The following AOAH variants were observed in gnomAD, a reference collection of about 807,000 sequenced individuals.
AOAH encodes acyloxyacyl hydrolase (neutrophil).
A neutral mutation model predicts 92.2 loss-of-function variants in AOAH; 64 were observed. That is an observed-to-expected ratio of 0.69 (90% CI 0.57 to 0.86). AOAH has a LOEUF of 0.86. AOAH is among the 40% of genes least tolerant of loss of function. The pLI, the probability that AOAH is intolerant of heterozygous loss-of-function variation, is 0.00. For missense variants in AOAH, 656 were observed against 694.6 expected (o/e 0.94, Z 0.62); for synonymous variants, 263 against 254.5 (o/e 1.03, Z -0.32).
intron 11 of AOAH, among the ~76,000 whole-genome samples, chr7:36,595,659 C>T (rs533361358): frequency 6.6e-6 from 1 of 152,308 alleles, no homozygotes; most frequent in African/African-American, 2.4e-5. Context: ...CATACTTATA[C>T]TTGAAAAATT....
chr7:36,629,994 C>T (rs533461351), intron 6 of AOAH, among the ~76,000 whole-genome samples: 1 of 152,098 alleles, frequency 6.6e-6, no homozygotes, highest in Non-Finnish European at 1.5e-5. Flanking sequence ...TGAGTGGTGT[C>T]CTTGTAAAAG....
At chr7:36,690,303 A>C in intron 1 of AOAH, 1 of 364,032 alleles carries the variant, frequency 2.7e-6, no homozygotes, top group Non-Finnish European at 5.4e-6. Flanking sequence ...GATCAAAAGG[A>C]CCCTGCAGGA....
intron 6 of AOAH, among the ~76,000 whole-genome samples, chr7:36,629,231 GT>G (rs2116196886): frequency 6.6e-6 from 1 of 152,336 alleles, no homozygotes; most frequent in Admixed American, 6.5e-5. Flanking sequence ...GGAAAACACA[GT>G]TTTTGCTTTT....
In AOAH at chr7:36,563,780, A is replaced by G. The variant is rs188893154; in HGVS notation, c.1021+12794T>C. Among the ~76,000 whole-genome samples the G allele has an allele frequency of 6.4e-4, 97 of 152,326 alleles. 1 individual carries two copies. Among genetic ancestry groups the G allele is most frequent in the African/African-American group, 2.2e-3 (93 of 41,582 alleles). On this transcript the variant is annotated intron_variant, in intron 13 of 20. Transcript: ENST00000617537. ...TAGTTTCAGGAGAATGATTTGTACA[A>G]TCCATTAAAAAAATCCATCATGAGA...
intron 1 of AOAH, among the ~76,000 whole-genome samples, chr7:36,706,676 G>T (rs556484176): frequency 8.1e-4 from 123 of 152,270 alleles, no homozygotes; most frequent in African/African-American, 2.8e-3. Flanking sequence ...CATTTGCTTA[G>T]AACAGCCACC....
chr7:36,592,121 C>A (rs559005432), intron 12 of AOAH, among the ~76,000 whole-genome samples: 24 of 152,160 alleles, frequency 1.6e-4, no homozygotes, highest in African/African-American at 5.8e-4. Context: ...CTAATTAATT[C>A]TTTTTGTTAT....
In AOAH at chr7:36,546,593, G is replaced by T. The variant is rs377087491; in HGVS notation, c.1133+2019C>A. The stretch of plus-strand genomic sequence containing the variant: ...TCTTTGGGAAAGGAAAAGTAGGACT[G>T]GGCTGGAGGGATCTGGGTAAGCAGG... On this transcript the variant is annotated intron_variant, in intron 15 of 20. Coordinates refer to ENST00000617537, the MANE Select transcript of AOAH (RefSeq NM_001637.4). Among the ~76,000 whole-genome samples the T allele has an allele frequency of 4.6e-5, 7 of 152,332 alleles. No individual in the cohort carries two copies. In the East Asian group the frequency reaches 7.7e-4, roughly 17 times the overall value.
chr7:36,588,940 G>T (rs1789552015), intron 12 of AOAH, among the ~76,000 whole-genome samples: 1 of 152,196 alleles, frequency 6.6e-6, no homozygotes, highest in Admixed American at 6.5e-5. Context: ...ACTCATTTAT[G>T]CTGACTACAG....
chr7:36,635,105 T>C (rs995547849), intron 5 of AOAH, among the ~76,000 whole-genome samples: 1 of 152,198 alleles, frequency 6.6e-6, no homozygotes, highest in African/African-American at 2.4e-5. Context: ...TGAGTCTTGC[T>C]TGCCTATTTG....
At chr7:36,653,742 T>C (rs781636139) in intron 4 of AOAH, among the ~76,000 whole-genome samples, 9 of 152,206 alleles carry the variant, frequency 5.9e-5, no homozygotes, top group Non-Finnish European at 8.8e-5. Context: ...TTAATGTAGA[T>C]CAAAGTGGCT....
intron 12 of AOAH, among the ~76,000 whole-genome samples, chr7:36,578,524 T>A (rs952563918): frequency 3.3e-5 from 5 of 152,082 alleles, no homozygotes; most frequent in African/African-American, 1.2e-4. Flanking sequence ...ACCCCACACC[T>A]CCCTCCACTC....
chr7:36,678,825 C>T (rs973243947), intron 2 of AOAH, among the ~76,000 whole-genome samples: 3 of 152,228 alleles, frequency 2.0e-5, no homozygotes, highest in East Asian at 3.9e-4. Context: ...TGCAAAATCT[C>T]CAGAAAGAGC....
intron 11 of AOAH, among the ~76,000 whole-genome samples, chr7:36,605,122 C>A (rs1263078020): frequency 6.6e-6 from 1 of 152,088 alleles, no homozygotes; most frequent in Non-Finnish European, 1.5e-5. Flanking sequence ...AGTGGAAATT[C>A]TGTATGATTT....
At chr7:36,529,801 G>T (rs1784588724) in intron 19 of AOAH, among the ~76,000 whole-genome samples, 1 of 152,200 alleles carries the variant, frequency 6.6e-6, no homozygotes, top group Non-Finnish European at 1.5e-5. Context: ...TAAATCAGTA[G>T]CTATAGTAAT....
chr7:36,523,483 C>T (rs1175897869), intron 19 of AOAH, among the ~76,000 whole-genome samples: 1 of 152,202 alleles, frequency 6.6e-6, no homozygotes, highest in Non-Finnish European at 1.5e-5. Flanking sequence ...ACAGCACTCA[C>T]TCTCATGAAA....
chr7:36,666,293 A>G (rs1303993329), intron 3 of AOAH, among the ~76,000 whole-genome samples: 1 of 152,072 alleles, frequency 6.6e-6, no homozygotes, highest in African/African-American at 2.4e-5. Flanking sequence ...TCTTTCAAGG[A>G]ATTGGCCCAT....
chr7:36,545,539 A>T (rs529749278), intron 15 of AOAH, among the ~76,000 whole-genome samples: 1 of 152,282 alleles, frequency 6.6e-6, no homozygotes, highest in East Asian at 1.9e-4. Context: ...CCCAGGGTGT[A>T]ACCTGAAGCG....
At chr7:36,647,784 G>C (rs1052966776) in intron 4 of AOAH, among the ~76,000 whole-genome samples, 9 of 151,610 alleles carry the variant, frequency 5.9e-5, no homozygotes, top group Non-Finnish European at 1.3e-4. Context: ...TGGAACAATA[G>C]AGCATAAATC....
At chr7:36,600,766 G>A (rs1790510126) in intron 11 of AOAH, among the ~76,000 whole-genome samples, 1 of 152,146 alleles carries the variant, frequency 6.6e-6, no homozygotes, top group Admixed American at 6.5e-5. Flanking sequence ...GGGCTAGATA[G>A]TCCTTGAACG....
Sources: gnomAD v4.1 joint callset for allele counts (sites outside exome capture counted in the v4.1 genomes callset) on GRCh38, gnomAD v4.1.1 for gene constraint, MANE v1.5 for transcripts, NCBI Gene and HGNC (gene_info 2026-07-23, HGNC 2026-07-21) for gene names.